CCDC148: variants seen among roughly 807,000 people sequenced by gnomAD.
The protein encoded by CCDC148 is coiled-coil domain-containing protein 148.
In CCDC148, 89 loss-of-function variants were observed where a neutral mutation model predicts 85.7. The ratio of observed to expected loss-of-function variants is 1.04; its 90% confidence interval spans 0.87 to 1.24. The LOEUF (loss-of-function observed/expected upper bound fraction) is 1.24. Ranked by LOEUF, CCDC148 falls within the 50% of genes most tolerant of loss-of-function variation. The probability of loss-of-function intolerance (pLI) is 0.00; values close to 1 mark genes in which losing one functional copy is unlikely to be tolerated. For missense variants in CCDC148, 692 were observed against 671.7 expected (o/e 1.03, Z -0.33); for synonymous variants, 230 against 213.9 (o/e 1.08, Z -0.66).
intron 1 of CCDC148, among the ~76,000 whole-genome samples, chr2:158,393,514 G>C (rs897855181): frequency 6.6e-6 from 1 of 152,054 alleles, no homozygotes; most frequent in African/African-American, 2.4e-5. Flanking sequence ...TGAGTGATGG[G>C]GCCACAAGGG....
intron 1 of CCDC148, among the ~76,000 whole-genome samples, chr2:158,448,357 T>C (rs986812550): frequency 6.7e-4 from 101 of 150,906 alleles, no homozygotes; most frequent in African/African-American, 2.4e-3. Flanking sequence ...TTTTTTTTTA[T>C]TTATTTTTGA....
chr2:158,440,928 T>A (rs778981379), intron 1 of CCDC148, among the ~76,000 whole-genome samples: 1 of 152,136 alleles, frequency 6.6e-6, no homozygotes, highest in Non-Finnish European at 1.5e-5. Flanking sequence ...CACCTGTAAG[T>A]AGCAGCTACT....
At chr2:158,282,686 G>A (rs1015534039) in intron 9 of CCDC148, among the ~76,000 whole-genome samples, 6 of 152,172 alleles carry the variant, frequency 3.9e-5, no homozygotes, top group Admixed American at 3.3e-4. Flanking sequence ...TCAATATTGT[G>A]AAAATGGCCA....
intron 10 of CCDC148, among the ~76,000 whole-genome samples, chr2:158,245,774 G>A (rs1212301749): frequency 6.6e-6 from 1 of 152,116 alleles, no homozygotes. Context: ...AGGAAATTTT[G>A]TTTCTTACAA....
At chr2:158,343,806 G>C (rs566914047) in intron 3 of CCDC148, among the ~76,000 whole-genome samples, 2 of 152,192 alleles carry the variant, frequency 1.3e-5, no homozygotes, top group South Asian at 2.1e-4. Context: ...CAATTAGCCT[G>C]CATTCTAGAA....
chr2:158,189,856 C>T (rs2105271732), intron 11 of CCDC148, among the ~76,000 whole-genome samples: 1 of 151,904 alleles, frequency 6.6e-6, no homozygotes, highest in Middle Eastern at 3.4e-3. Flanking sequence ...TGTGTATCCC[C>T]AAGAACTAGC....
intron 11 of CCDC148, among the ~76,000 whole-genome samples, chr2:158,202,110 G>C (rs1319714955): frequency 6.6e-6 from 1 of 152,142 alleles, no homozygotes; most frequent in Non-Finnish European, 1.5e-5. Context: ...TCCTTTGCTT[G>C]AAATTTTATG....
intron 10 of CCDC148, among the ~76,000 whole-genome samples, chr2:158,228,129 C>T (rs1687650207): frequency 6.6e-6 from 1 of 152,106 alleles, no homozygotes. Context: ...CAAACAACCC[C>T]ATCAAAAAGT....
At position 158,334,621 on chromosome 2, in the gene CCDC148, C is replaced by T. The variant is rs1047251383; in HGVS notation, c.764+4105G>A. 9.2e-5 allele frequency among the ~76,000 whole-genome samples: 14 copies of T among 152,100 alleles called. 2 individuals carry two copies. The highest frequency in any genetic ancestry group is 6.6e-4 in the Admixed American group (10 of 15,254). ...GTCGAATAGAATGAAGAGACCTAAC[C>T]TTATCTTCCAATTGCCTATTATCTA... On this transcript the variant is annotated intron_variant, in intron 7 of 13. Coordinates refer to ENST00000283233, the MANE Select transcript of CCDC148 (RefSeq NM_138803.4).
intron 10 of CCDC148, among the ~76,000 whole-genome samples, chr2:158,242,636 T>G (rs1289105919): frequency 6.6e-6 from 1 of 150,968 alleles, no homozygotes; most frequent in African/African-American, 2.4e-5. Flanking sequence ...CTCTGTAGTT[T>G]TTTTTTTTTT....
At chr2:158,437,326 C>T (rs376270033) in intron 1 of CCDC148, among the ~76,000 whole-genome samples, 45 of 152,206 alleles carry the variant, frequency 3.0e-4, no homozygotes, top group African/African-American at 7.7e-4. Context: ...GTTCAACATA[C>T]GCAAATCAAT....
chr2:158,263,364 G>A (rs1023260497), intron 9 of CCDC148, among the ~76,000 whole-genome samples: 2 of 151,852 alleles, frequency 1.3e-5, no homozygotes, highest in African/African-American at 2.4e-5. Flanking sequence ...CTTATTAAAG[G>A]TGTATTAAAT....
At chr2:158,323,278 T>C (rs1011875424) in intron 7 of CCDC148, among the ~76,000 whole-genome samples, 2 of 152,164 alleles carry the variant, frequency 1.3e-5, no homozygotes, top group Non-Finnish European at 1.5e-5. Context: ...GTTCTAAATA[T>C]AAAATGCTGA....
Position 158,267,480 on chromosome 2 carries a change from C to T in CCDC148, c.1111-16568G>A, listed in dbSNP as rs530731955. Among the ~76,000 whole-genome samples the T allele has an allele frequency of 1.2e-4, 18 of 152,216 alleles. No homozygotes were observed. The South Asian group carries it at 1.4e-3, about 12-fold the overall frequency. ...GAAAATTTTATTTTACAGTTGCCTT[C>T]GCTATCAGAAAATACAGGTTTTTAA... On this transcript the variant is annotated intron_variant, in intron 9 of 13. Coordinates refer to ENST00000283233, the MANE Select transcript of CCDC148 (RefSeq NM_138803.4).
Position 158,386,777 on chromosome 2 carries a change from C to T in CCDC148, c.26-28207G>A, listed in dbSNP as rs115773911. 6.2e-3 allele frequency among the ~76,000 whole-genome samples: 943 copies of T among 152,168 alleles called. 5 individuals are homozygous for T. Among genetic ancestry groups the T allele is most frequent in the Non-Finnish European group, 0.011 (722 of 67,980 alleles). Reference sequence around the variant, plus strand: ...TGCCCATTTCTCCTTCAGGGATTTTCCCCTCATCCTTCCCATACTCCTTCC... The same window carrying T: ...TGCCCATTTCTCCTTCAGGGATTTTTCCCTCATCCTTCCCATACTCCTTCC... On this transcript the variant is annotated intron_variant, in intron 1 of 13. Transcript: ENST00000283233.
chr2:158,313,912 G>T lies in CCDC148; in HGVS notation c.765-18C>A, dbSNP rs374430889. ...GACAGTTTCTAGAAGCAACAAAAATGTCACAACATATTATTGAGCAATCAT... is the reference window on the plus strand; with the variant it reads ...GACAGTTTCTAGAAGCAACAAAAATTTCACAACATATTATTGAGCAATCAT... On this transcript the variant is annotated intron_variant, in intron 7 of 13. Transcript: ENST00000283233. 15 of 1,607,542 alleles carry T rather than the reference G, an allele frequency of 9.3e-6. No homozygotes were observed. Among genetic ancestry groups the T allele is most frequent in the East Asian group, 4.5e-5 (2 of 44,698 alleles).
intron 1 of CCDC148, among the ~76,000 whole-genome samples, chr2:158,369,216 A>G (rs574000917): frequency 2.0e-4 from 31 of 152,218 alleles, no homozygotes; most frequent in African/African-American, 7.5e-4. Flanking sequence ...GAAGAATGTC[A>G]ATGGTAGTTT....
intron 11 of CCDC148, among the ~76,000 whole-genome samples, chr2:158,181,070 T>A (rs1290696974): frequency 1.3e-5 from 2 of 152,106 alleles, no homozygotes; most frequent in East Asian, 3.9e-4. Context: ...AAGCACTGAG[T>A]ACAAGCTAAG....
intron 1 of CCDC148, among the ~76,000 whole-genome samples, chr2:158,403,708 A>G (rs1254131666): frequency 6.6e-6 from 1 of 151,934 alleles, no homozygotes; most frequent in Non-Finnish European, 1.5e-5. Context: ...ACACACACAC[A>G]AACACATGCA....
Sources: gnomAD v4.1 joint callset for allele counts (sites outside exome capture counted in the v4.1 genomes callset) on GRCh38, gnomAD v4.1.1 for gene constraint, MANE v1.5 for transcripts, NCBI Gene and HGNC (gene_info 2026-07-23, HGNC 2026-07-21) for gene names.